The following PRKX variants were observed in gnomAD, a reference collection of about 807,000 sequenced individuals.
The protein encoded by PRKX is cAMP-dependent protein kinase catalytic subunit PRKX.
Under a neutral mutation model 22.0 loss-of-function variants are expected in PRKX, and 12 were observed. The ratio of observed to expected loss-of-function variants is 0.54; its 90% confidence interval spans 0.35 to 0.88. The LOEUF is 0.88. Among genes scored for constraint, PRKX ranks in the 40% least tolerant of loss-of-function variants. The probability of loss-of-function intolerance (pLI) is 0.01; values close to 1 mark genes in which losing one functional copy is unlikely to be tolerated. For synonymous variants in PRKX, 134 were observed against 137.7 expected (o/e 0.97, Z 0.19); for missense variants, 217 against 308.0 (o/e 0.70, Z 2.21).
At chrX:3,615,234 G>A (rs1256317442) in intron 7 of PRKX, among the ~76,000 whole-genome samples, 4 of 109,961 alleles carry the variant, frequency 3.6e-5, no homozygotes, top group Non-Finnish European at 7.6e-5. Flanking sequence ...GCCCAGGCTA[G>A]TCTCAAACTC....
At chrX:3,659,811 G>A (rs1174190068) in intron 2 of PRKX, among the ~76,000 whole-genome samples, 3 of 98,175 alleles carry the variant, frequency 3.1e-5, no homozygotes, top group East Asian at 3.5e-4. Context: ...TGCAACCTCC[G>A]CCTCCCGAGT....
intron 4 of PRKX, among the ~76,000 whole-genome samples, chrX:3,632,185 C>A (rs1217937315): frequency 9.0e-6 from 1 of 111,681 alleles, no homozygotes; most frequent in East Asian, 2.8e-4. Context: ...ATTTCAGTTG[C>A]TTGTTTTGCA....
intron 3 of PRKX, among the ~76,000 whole-genome samples, chrX:3,648,486 T>C (rs1927234702): frequency 9.1e-6 from 1 of 109,588 alleles, no homozygotes; most frequent in Non-Finnish European, 1.9e-5. Context: ...TGCACCTGCT[T>C]TAAAATAACT....
chrX:3,711,310 A>C (rs1928783862), intron 1 of PRKX, among the ~76,000 whole-genome samples: 1 of 110,182 alleles, frequency 9.1e-6, no homozygotes, highest in Non-Finnish European at 1.9e-5. Flanking sequence ...CACTGACTGG[A>C]CTGAAAAAAA....
chrX:3,703,666 G>GTTT (rs1569065321), intron 1 of PRKX, among the ~76,000 whole-genome samples: 1 of 89,672 alleles, frequency 1.1e-5, no homozygotes, highest in African/African-American at 4.5e-5. Context: ...GGTTTTTTTG[G>GTTT]TTGTTTTTTT....
chrX:3,680,144 G>C (rs1312528665), intron 1 of PRKX, among the ~76,000 whole-genome samples: 1 of 109,472 alleles, frequency 9.1e-6, no homozygotes, highest in African/African-American at 3.3e-5. Context: ...TGTTGTTGTT[G>C]TTGTTGTTGT....
chrX:3,689,708 T>G (rs1254983091), intron 1 of PRKX, among the ~76,000 whole-genome samples: 1 of 111,539 alleles, frequency 9.0e-6, no homozygotes, highest in Non-Finnish European at 1.9e-5. Context: ...CTGGGCGCGG[T>G]GGCTCACACC....
chrX:3,655,640 CA>C (rs1279843373), intron 2 of PRKX, among the ~76,000 whole-genome samples: 1 of 112,538 alleles, frequency 8.9e-6, no homozygotes, highest in Non-Finnish European at 1.9e-5. Flanking sequence ...CACGTACATA[CA>C]GATGTTACGA....
At chrX:3,679,429 A>C (rs1165857643) in intron 1 of PRKX, among the ~76,000 whole-genome samples, 2 of 112,636 alleles carry the variant, frequency 1.8e-5, no homozygotes, top group Non-Finnish European at 1.9e-5. Flanking sequence ...GTGGAGATTA[A>C]AGTCAAAGCT....
chrX:3,689,655 G>C (rs973319642), intron 1 of PRKX, among the ~76,000 whole-genome samples: 3 of 112,042 alleles, frequency 2.7e-5, no homozygotes, highest in African/African-American at 9.7e-5. Context: ...GCTCTAACTT[G>C]GGTGAGAGAG....
intron 7 of PRKX, among the ~76,000 whole-genome samples, chrX:3,615,575 AG>A (rs1281934325): frequency 1.8e-5 from 2 of 111,925 alleles, no homozygotes; most frequent in Non-Finnish European, 3.8e-5. Context: ...GAATGGACAA[AG>A]AACATGTGGT....
chrX:3,634,405 G>A (rs1249965038), intron 4 of PRKX, among the ~76,000 whole-genome samples: 1 of 110,381 alleles, frequency 9.1e-6, no homozygotes, highest in Non-Finnish European at 1.9e-5. Context: ...GGGCAGAGTA[G>A]AGGGTGAAAA....
chrX:3,639,675 G>A (rs1215235006), intron 4 of PRKX, among the ~76,000 whole-genome samples: 19 of 110,342 alleles, frequency 1.7e-4, no homozygotes, highest in Non-Finnish European at 3.4e-4. Flanking sequence ...GCTAGACAAT[G>A]AAATACAGGT....
rs560973529 is a variant in PRKX, at chrX:3,700,211, C to G, written c.166+12877G>C. ...GCTTGTGACAGCCAAAGCACCAGCTCAGAATCTGTATCAAAATACAATGTT... is the reference window on the plus strand; with the variant it reads ...GCTTGTGACAGCCAAAGCACCAGCTGAGAATCTGTATCAAAATACAATGTT... On this transcript the variant is annotated intron_variant, in intron 1 of 8. Transcript: ENST00000262848. Among the ~76,000 whole-genome samples, 6 of 111,849 alleles carry G rather than the reference C, an allele frequency of 5.4e-5. No homozygotes were observed. In the East Asian group the frequency reaches 1.7e-3, roughly 31 times the overall value.
At position 3,615,491 on chromosome X, in the gene PRKX, C is replaced by G. The variant is rs1176881888; in HGVS notation, c.951+324G>C. On this transcript the variant is annotated intron_variant, in intron 7 of 8. Coordinates refer to ENST00000262848, the MANE Select transcript of PRKX (RefSeq NM_005044.5). ...AGGAGGGAGTAGGGTTTAGCAGTCA[C>G]AGAGCTAGTCAGGAATCAGGCCAGG... Among the ~76,000 whole-genome samples, 6 of 111,314 alleles carry G rather than the reference C, an allele frequency of 5.4e-5. No individual in the cohort carries two copies. The Admixed American group carries it at 5.8e-4, about 11-fold the overall frequency.
At chrX:3,628,910 G>A (rs1409163262) in intron 4 of PRKX, among the ~76,000 whole-genome samples, 5 of 110,061 alleles carry the variant, frequency 4.5e-5, no homozygotes, top group Non-Finnish European at 7.6e-5. Flanking sequence ...CATGGTCCCC[G>A]GTGCTTGTAA....
chrX:3,634,685 C>A (rs1603473518), intron 4 of PRKX, among the ~76,000 whole-genome samples: 1 of 111,094 alleles, frequency 9.0e-6, no homozygotes, highest in East Asian at 2.8e-4. Flanking sequence ...CAGCCAACCT[C>A]CTCACAAATG....
intron 2 of PRKX, among the ~76,000 whole-genome samples, chrX:3,669,104 A>G (rs1927795338): frequency 9.0e-6 from 1 of 111,129 alleles, no homozygotes; most frequent in Non-Finnish European, 1.9e-5. Context: ...CTCTACTAAT[A>G]CGTTCCATCA....
intron 2 of PRKX, among the ~76,000 whole-genome samples, chrX:3,664,143 C>T (rs1397522748): frequency 1.8e-5 from 2 of 111,918 alleles, no homozygotes; most frequent in African/African-American, 6.5e-5. Flanking sequence ...GGTCACCTCC[C>T]CTGCTGCACG....
Sources: allele counts gnomAD v4.1 joint callset (sites outside exome capture counted in the v4.1 genomes callset), GRCh38; gene constraint gnomAD v4.1.1; transcripts MANE v1.5; gene names NCBI Gene and HGNC (gene_info 2026-07-23, HGNC 2026-07-21).